The following SENP5 variants were observed in gnomAD, a reference collection of about 807,000 sequenced individuals.
SENP5 encodes the protein SUMO specific peptidase 5.
SENP5 carries 21 observed loss-of-function variants against 74.2 expected under a neutral mutation model. The observed-to-expected ratio is 0.28, with a 90% CI of 0.20 to 0.41. SENP5 has a LOEUF of 0.41. Among genes scored for constraint, SENP5 ranks in the 10% least tolerant of loss-of-function variants. SENP5 has a pLI of 1.00. For missense variants in SENP5, 717 were observed against 889.1 expected, an observed-to-expected ratio of 0.81 and a Z score of 2.46; for synonymous variants, 311 against 312.7, an observed-to-expected ratio of 0.99 and a Z score of 0.06.
At chr3:196,918,425 G>T (rs1715475545) in intron 6 of SENP5, among the ~76,000 whole-genome samples, 1 of 149,490 alleles carries the variant, frequency 6.7e-6, no homozygotes, top group Non-Finnish European at 1.5e-5. Flanking sequence ...CGAGTTATCA[G>T]TTTGAAATAG....
At chr3:196,885,095 A>G in intron 1 of SENP5, 56 bp from the exon 2 acceptor site, 1 of 1,022,846 alleles carries the variant, frequency 9.8e-7, no homozygotes, top group Non-Finnish European at 1.4e-6. Flanking sequence ...TACTGTGAAT[A>G]TGTCTTCATG....
chr3:196,915,605 A>G (rs1232754435), intron 6 of SENP5, among the ~76,000 whole-genome samples: 4 of 152,218 alleles, frequency 2.6e-5, no homozygotes, highest in Non-Finnish European at 2.9e-5. Flanking sequence ...GGCAAGACCC[A>G]GTACTATGCT....
chr3:196,885,970 C>T lies in SENP5; in HGVS notation c.789C>T (p.Ala263=). 1 of 1,614,154 alleles carries T rather than the reference C, an allele frequency of 6.2e-7. No homozygotes were observed. The highest frequency in any genetic ancestry group is 8.5e-7 in the Non-Finnish European group (1 of 1,180,032). Reference sequence around the variant, plus strand: ...GCAAGGTTTGCAAGCTAAGAAAAGCCCAGCGAAGCTGGGTACAGAAAGTCA... The same window carrying T: ...GCAAGGTTTGCAAGCTAAGAAAAGCTCAGCGAAGCTGGGTACAGAAAGTCA... ...TKSKVCKLRK[A]QRSWVQKVTG... Residue 263 remains alanine, a synonymous_variant, in exon 2 of 10, where the codon GCC becomes GCT. Coordinates refer to ENST00000323460, the MANE Select transcript of SENP5 (RefSeq NM_152699.5).
chr3:196,895,702 TG>T (rs1463830521), intron 2 of SENP5, among the ~76,000 whole-genome samples: 2 of 152,034 alleles, frequency 1.3e-5, no homozygotes, highest in Non-Finnish European at 2.9e-5. Context: ...TTGTATTTTT[TG>T]TAGAGAAGCG....
intron 5 of SENP5, among the ~76,000 whole-genome samples, chr3:196,901,181 G>A (rs964510912): frequency 6.6e-6 from 1 of 151,556 alleles, no homozygotes; most frequent in Non-Finnish European, 1.5e-5. Flanking sequence ...AAGTAGCTGG[G>A]ATTACAGGTG....
chr3:196,928,142 A>G (rs1715886090), intron 8 of SENP5, among the ~76,000 whole-genome samples: 1 of 152,236 alleles, frequency 6.6e-6, no homozygotes, highest in Non-Finnish European at 1.5e-5. Flanking sequence ...GGGGAAAAAA[A>G]AAATCTTTTT....
intron 6 of SENP5, chr3:196,914,576 A>ATATATATATATATATAT: frequency 1.3e-5 from 1 of 75,432 alleles, no homozygotes; most frequent in African/African-American, 5.8e-5. Context: ...AAAAAAAAAA[A>ATATATATATATATATAT]AAAAAAAAAA....
At chr3:196,895,667 A>G (rs184779134) in intron 2 of SENP5, among the ~76,000 whole-genome samples, 24 of 152,142 alleles carry the variant, frequency 1.6e-4, no homozygotes, top group African/African-American at 5.8e-4. Context: ...GACTACAGGC[A>G]TGTGCCAACA....
At chr3:196,892,913 A>G (rs1714274279) in intron 2 of SENP5, among the ~76,000 whole-genome samples, 1 of 152,142 alleles carries the variant, frequency 6.6e-6, no homozygotes, top group Non-Finnish European at 1.5e-5. Context: ...GTGTATATAT[A>G]CTACATTTTC....
chr3:196,918,436 T>G (rs1715476019), intron 6 of SENP5, among the ~76,000 whole-genome samples: 1 of 151,578 alleles, frequency 6.6e-6, no homozygotes, highest in Non-Finnish European at 1.5e-5. Context: ...TTTGAAATAG[T>G]TGTTTATAAG....
intron 1 of SENP5, among the ~76,000 whole-genome samples, chr3:196,882,501 T>A (rs1400340135): frequency 6.6e-6 from 1 of 152,156 alleles, no homozygotes; most frequent in Non-Finnish European, 1.5e-5. Context: ...GGTCATCCTT[T>A]ATTTTTTATT....
intron 6 of SENP5, among the ~76,000 whole-genome samples, chr3:196,917,656 G>A (rs904942926): frequency 1.3e-4 from 20 of 152,190 alleles, no homozygotes; most frequent in African/African-American, 4.8e-4. Context: ...GGAGGGAGTG[G>A]CATGTCAAGT....
intron 6 of SENP5, among the ~76,000 whole-genome samples, chr3:196,922,239 T>C (rs1715646860): frequency 6.6e-6 from 1 of 152,240 alleles, no homozygotes; most frequent in African/African-American, 2.4e-5. Context: ...AGGTACTATT[T>C]TCTATCCATT....
At chr3:196,882,311 C>G (rs1342401636) in intron 1 of SENP5, among the ~76,000 whole-genome samples, 1 of 152,004 alleles carries the variant, frequency 6.6e-6, no homozygotes, top group Non-Finnish European at 1.5e-5. Context: ...GCTGTGCAAC[C>G]ATCACCACCA....
At chr3:196,927,412 T>TA (rs1430916454) in intron 7 of SENP5, among the ~76,000 whole-genome samples, 3 of 152,164 alleles carry the variant, frequency 2.0e-5, no homozygotes, top group Non-Finnish European at 2.9e-5. Context: ...ACAGTCTTGA[T>TA]GCATACCTTG....
intron 2 of SENP5, among the ~76,000 whole-genome samples, chr3:196,895,608 G>A (rs1714411234): frequency 6.6e-6 from 1 of 150,892 alleles, no homozygotes; most frequent in Non-Finnish European, 1.5e-5. Flanking sequence ...TGCAGTCTTT[G>A]CCTCCCAGGC....
At chr3:196,895,190 CTT>C (rs35820067) in intron 2 of SENP5, among the ~76,000 whole-genome samples, 27,587 of 123,122 alleles carry the variant, frequency 0.22, 2,251 homozygotes, top group African/African-American at 0.27. Context: ...CTTTTAACTT[CTT>C]TTTTTTTTTT....
intron 1 of SENP5, among the ~76,000 whole-genome samples, chr3:196,869,134 C>T (rs554919055): frequency 6.6e-6 from 1 of 150,678 alleles, no homozygotes; most frequent in South Asian, 2.1e-4. Flanking sequence ...TGCATCTTTT[C>T]TAGGAGAAAA....
chr3:196,928,963 G>A (rs948496368), intron 8 of SENP5, among the ~76,000 whole-genome samples: 26 of 152,160 alleles, frequency 1.7e-4, no homozygotes, highest in Admixed American at 1.6e-3. Flanking sequence ...GCAAAGGTGC[G>A]TGGATTGCGT....
Sources: gnomAD v4.1 joint callset for allele counts (sites outside exome capture counted in the v4.1 genomes callset) on GRCh38, gnomAD v4.1.1 for gene constraint, MANE v1.5 for transcripts, NCBI Gene and HGNC (gene_info 2026-07-23, HGNC 2026-07-21) for gene names.